The following MED1 variants were observed in gnomAD, a reference collection of about 807,000 sequenced individuals.
The protein encoded by MED1 is mediator of RNA polymerase II transcription subunit 1.
In MED1, 17 loss-of-function variants were observed where a neutral mutation model predicts 121.3. That is an observed-to-expected ratio of 0.14 (90% CI 0.10 to 0.21). The LOEUF is 0.21. MED1 is among the 10% of genes least tolerant of loss of function. The pLI, the probability that MED1 is intolerant of heterozygous loss-of-function variation, is 1.00. For missense variants in MED1, 1,558 were observed against 1,919.4 expected (o/e 0.81, Z 3.52); for synonymous variants, 661 against 694.4 (o/e 0.95, Z 0.76).
At position 39,426,095 on chromosome 17, in the gene MED1, T is replaced by C. The variant is rs1597863159; in HGVS notation, c.740-1357A>G. 2.6e-5 allele frequency among the ~76,000 whole-genome samples: 4 copies of C among 152,118 alleles called. No homozygotes were observed. In the South Asian group the frequency reaches 8.3e-4, roughly 32 times the overall value. On this transcript the variant is annotated intron_variant, in intron 10 of 16. Transcript: ENST00000300651. Reference sequence around the variant, plus strand: ...CTGTAGTGAGCTGTGATCAAATCACTGTACGCCAGCCTGGGCAACACAGTG... The same window carrying C: ...CTGTAGTGAGCTGTGATCAAATCACCGTACGCCAGCCTGGGCAACACAGTG...
rs765887522 is a variant in MED1 at position 39,447,902 on chromosome 17, A to C, written c.28T>G (p.Ser10Ala). 6.9e-6 allele frequency: 11 copies of C among 1,605,460 alleles called. No homozygotes were observed. The South Asian group carries it at 1.0e-4, about 15-fold the overall frequency. Residue 10 changes from serine (S) to alanine (A), a missense_variant and splice_region_variant, in exon 2 of 17, where the codon TCA becomes GCA. Physicochemically the swap from Ser to Ala is moderately conservative, Grantham distance 99. Coordinates refer to ENST00000300651, the MANE Select transcript of MED1 (RefSeq NM_004774.4). MKAQGETEE[S>A]EKLSKMSSLL... ...GAACTCATCTTACTCAGCTTTTCTG[A>C]CTCTATGATTTAAATCAGAAAACGT...
rs1325959185 is a variant in MED1 at position 39,409,992 on chromosome 17, G to A, written c.2229C>T (p.Ser743=). 2 of 1,614,100 alleles carry A rather than the reference G, an allele frequency of 1.2e-6. No homozygotes were observed. Among genetic ancestry groups the A allele is most frequent in the Admixed American group, 1.7e-5 (1 of 60,014 alleles). Reference sequence around the variant, plus strand: ...AAGTTGTTGGGGGAGTGCTACACTGGCTTGGAGCTGGAGTGATGTGTGGCG... The same window carrying A: ...AAGTTGTTGGGGGAGTGCTACACTGACTTGGAGCTGGAGTGATGTGTGGCG... ...LDTPHITPAP[S]QCSTPPTTYP... The change falls in exon 17 of 17, where the codon AGC becomes AGT. Residue 743 remains serine, a synonymous_variant. Transcript: ENST00000300651.
intron 13 of MED1, among the ~76,000 whole-genome samples, chr17:39,421,956 G>A (rs947863683): frequency 9.3e-5 from 14 of 150,968 alleles, no homozygotes; most frequent in Non-Finnish European, 1.6e-4. Flanking sequence ...GTGAAATCCC[G>A]TCTCTACTAA....
intron 2 of MED1, among the ~76,000 whole-genome samples, chr17:39,446,063 C>T (rs374246874): frequency 7.2e-4 from 109 of 151,028 alleles, no homozygotes; most frequent in Admixed American, 1.5e-3. Flanking sequence ...CCGCCAGGCA[C>T]GGTGGCTCAC....
chr17:39,410,158 T>C lies in MED1; in HGVS notation c.2063A>G (p.Lys688Arg). Reference protein sequence around the residue: ...MEICSGSNKTKKKKSSRLPPE... With the variant: ...MEICSGSNKTRKKKSSRLPPE... ...TGGTAATCTTGATGACTTCTTTTTCTTGGTCTTGTTGCTCCCCGAGCATAT... is the reference window on the plus strand; with the variant it reads ...TGGTAATCTTGATGACTTCTTTTTCCTGGTCTTGTTGCTCCCCGAGCATAT... Residue 688 changes from lysine to arginine, a missense_variant, in exon 17 of 17, where the codon AAG becomes AGG. Physicochemically the swap from Lys to Arg is conservative, Grantham distance 26. Coordinates refer to ENST00000300651, the MANE Select transcript of MED1 (RefSeq NM_004774.4). The C allele has an allele frequency of 6.2e-7, 1 of 1,614,160 alleles. No homozygotes were observed. Among genetic ancestry groups the C allele is most frequent in the Non-Finnish European group, 8.5e-7 (1 of 1,180,004 alleles).
chr17:39,433,608 C>T (rs2048590396), intron 7 of MED1, among the ~76,000 whole-genome samples: 1 of 151,460 alleles, frequency 6.6e-6, no homozygotes, highest in African/African-American at 2.4e-5. Flanking sequence ...GGCTGGAGCA[C>T]AGTGACGCAA....
rs763702140 is a variant in MED1, at chr17:39,409,678, C to A, written c.2543G>T (p.Ser848Ile). ...PADLIADAAGSPSSDSPTNHF... is the reference protein window; with the variant it reads ...PADLIADAAGIPSSDSPTNHF... ...ATTGGTAGGAGAGTCACTACTGGGG[C>A]TTCCAGCAGCATCTGCAATAAGATC... Residue 848 changes from serine to isoleucine, a missense_variant, in exon 17 of 17, where the codon AGC becomes ATC. By Grantham distance (142) the Ser-to-Ile change is moderately radical (BLOSUM62 -2). Around this residue, in one of 5 missense-constraint regions of MED1, gnomAD observed 793 missense variants for 898.2 expected, o/e 0.88. Transcript: ENST00000300651. 6.2e-7 allele frequency: 1 copy of A among 1,614,130 alleles called. No homozygotes were observed. Among genetic ancestry groups the A allele is most frequent in the South Asian group, 1.1e-5 (1 of 91,074 alleles).
chr17:39,410,755 G>C (rs1441374089), intron 16 of MED1, 34 bp from the exon 17 acceptor site: 16 of 1,556,542 alleles, frequency 1.0e-5, no homozygotes, highest in Non-Finnish European at 1.4e-5. Context: ...AGTTAACATT[G>C]CAATAGCTGC....
chr17:39,427,010 T>C (rs1182928806), intron 10 of MED1, among the ~76,000 whole-genome samples: 2 of 151,986 alleles, frequency 1.3e-5, no homozygotes, highest in Non-Finnish European at 2.9e-5. Flanking sequence ...AGTCTCAAAC[T>C]CCTGGGCTCA....
At chr17:39,416,377 T>C (rs952063779) in intron 14 of MED1, among the ~76,000 whole-genome samples, 2 of 152,208 alleles carry the variant, frequency 1.3e-5, no homozygotes, top group African/African-American at 2.4e-5. Context: ...AGCAGAGATA[T>C]AGAGGCTATA....
chr17:39,440,554 G>A lies in MED1; in HGVS notation c.267-36C>T. The A allele has an allele frequency of 6.2e-7, 1 of 1,611,956 alleles. No homozygotes were observed. Among genetic ancestry groups the A allele is most frequent in the Non-Finnish European group, 8.5e-7 (1 of 1,179,492 alleles). On this transcript the variant is annotated intron_variant, in intron 4 of 16. Transcript: ENST00000300651. The surrounding 1 kb of genome is among the most constrained non-coding windows in gnomAD (Gnocchi z 4.1). ...CAAATCAAAACAAAAATTAATAGAA[G>A]ACACATAAATAAAGCCACCCAAAGT...
At position 39,451,168 on chromosome 17, in the gene MED1, A is replaced by T; in HGVS notation, c.-106T>A. 1 of 1,287,116 alleles carries T rather than the reference A, an allele frequency of 7.8e-7. No individual in the cohort carries two copies. The highest frequency in any genetic ancestry group is 1.1e-6 in the Non-Finnish European group (1 of 892,424). 79.7% of individuals were successfully genotyped at this position (1,287,116 alleles called of 1,614,324 possible). A position where few individuals can be genotyped will look rare whatever the true frequency, so the allele number is the denominator to read the frequency against. ...GGATCCCGGGACGCAGGGCACCAGC[A>T]GTCCCTACTCTTCCCGGGAAGGATC... On this transcript the variant is annotated 5_prime_UTR_variant, in exon 1 of 17. Transcript: ENST00000300651.
chr17:39,441,452 T>C (rs1478454283), intron 3 of MED1, among the ~76,000 whole-genome samples: 1 of 152,220 alleles, frequency 6.6e-6, no homozygotes, highest in Non-Finnish European at 1.5e-5. Flanking sequence ...TGGTAAATTT[T>C]GTTACCTATA....
At chr17:39,421,317 G>A (rs1292953472) in intron 13 of MED1, among the ~76,000 whole-genome samples, 1 of 150,752 alleles carries the variant, frequency 6.6e-6, no homozygotes, top group Non-Finnish European at 1.5e-5. Context: ...TTTGGGAGGC[G>A]GAGTAGGGTG....
intron 10 of MED1, among the ~76,000 whole-genome samples, chr17:39,426,221 T>C (rs2144743059): frequency 6.6e-6 from 1 of 152,136 alleles, no homozygotes; most frequent in South Asian, 2.1e-4. Flanking sequence ...CCAAGACAGG[T>C]GGATCACTTC....
At chr17:39,415,594 T>A (rs541891335) in intron 14 of MED1, among the ~76,000 whole-genome samples, 1 of 152,068 alleles carries the variant, frequency 6.6e-6, no homozygotes, top group Non-Finnish European at 1.5e-5. Context: ...GCTCATCACC[T>A]GAGGTCAGGA....
At chr17:39,434,225 A>G (rs565482285) in intron 7 of MED1, 24 bp downstream of exon 7, 21 of 1,482,638 alleles carry the variant, frequency 1.4e-5, no homozygotes, top group Non-Finnish European at 1.8e-5. Flanking sequence ...TACAAACAAA[A>G]GCAAAAATAT....
intron 9 of MED1, among the ~76,000 whole-genome samples, chr17:39,428,905 T>C (rs1237362795): frequency 2.6e-5 from 4 of 151,462 alleles, no homozygotes; most frequent in African/African-American, 7.3e-5. Context: ...TGAGCTAAAA[T>C]CGTGCCACTG....
At chr17:39,423,892 T>C in intron 11 of MED1, 71 bp from the exon 12 acceptor site, 2 of 1,496,064 alleles carry the variant, frequency 1.3e-6, no homozygotes, top group Non-Finnish European at 1.8e-6. Flanking sequence ...AACACCTTTT[T>C]TTTTTTTGAG....
Sources: gnomAD v4.1 joint callset for allele counts (sites outside exome capture counted in the v4.1 genomes callset) on GRCh38, gnomAD v4.1.1 for gene constraint, gnomAD v4.1.1 regional missense constraint, Gnocchi (gnomAD v3.1) non-coding constraint, MANE v1.5 for transcripts, NCBI Gene and HGNC (gene_info 2026-07-23, HGNC 2026-07-21) for gene names.